ALDH1L1: variants seen among roughly 807,000 people sequenced by gnomAD.
The protein encoded by ALDH1L1 is cytosolic 10-formyltetrahydrofolate dehydrogenase.
A neutral mutation model predicts 101.1 loss-of-function variants in ALDH1L1; 68 were observed. The observed-to-expected ratio is 0.67, with a 90% CI of 0.55 to 0.82. ALDH1L1 has a LOEUF of 0.82. ALDH1L1 is among the 40% of genes least tolerant of loss of function. The probability of loss-of-function intolerance (pLI) is 0.00; values close to 1 mark genes in which losing one functional copy is unlikely to be tolerated. For missense variants in ALDH1L1, 1,087 were observed against 1,172.7 expected, an observed-to-expected ratio of 0.93 and a Z score of 1.07; for synonymous variants, 486 against 470.8, an observed-to-expected ratio of 1.03 and a Z score of -0.42.
chr3:126,191,702 T>C (rs1170418544), intron 1 of ALDH1L1, among the ~76,000 whole-genome samples: 1 of 152,240 alleles, frequency 6.6e-6, no homozygotes, highest in Non-Finnish European at 1.5e-5. Flanking sequence ...GTGGTTTTTA[T>C]TCTTTTGGAA....
At chr3:126,158,172 CTG>C (rs2080955821) in intron 3 of ALDH1L1, among the ~76,000 whole-genome samples, 2 of 152,176 alleles carry the variant, frequency 1.3e-5, no homozygotes, top group South Asian at 2.1e-4. Context: ...TCTCCAATAA[CTG>C]TGGGAATGCA....
At chr3:126,147,338 C>G (rs2080715644) in intron 8 of ALDH1L1, among the ~76,000 whole-genome samples, 1 of 152,202 alleles carries the variant, frequency 6.6e-6, no homozygotes, top group South Asian at 2.1e-4. Flanking sequence ...TAGTGTGACA[C>G]CGATGCCCGG....
At chr3:126,186,705 G>A (rs551159963) in intron 1 of ALDH1L1, among the ~76,000 whole-genome samples, 4 of 152,222 alleles carry the variant, frequency 2.6e-5, no homozygotes, top group Non-Finnish European at 5.9e-5. Flanking sequence ...GAGGTAGAGA[G>A]GCCTGGGGCT....
chr3:126,191,350 G>C (rs1007401998), intron 1 of ALDH1L1, among the ~76,000 whole-genome samples: 7 of 152,234 alleles, frequency 4.6e-5, no homozygotes, highest in Admixed American at 3.9e-4. Flanking sequence ...TTTTAGTGGT[G>C]AGGATGTGCC....
intron 1 of ALDH1L1, among the ~76,000 whole-genome samples, chr3:126,174,251 C>T (rs569142246): frequency 1.3e-5 from 2 of 152,300 alleles, no homozygotes; most frequent in Admixed American, 6.5e-5. Context: ...GCTGGTCTCG[C>T]ACTCCTGACC....
At chr3:126,108,705 G>A (rs1945972995) in intron 20 of ALDH1L1, among the ~76,000 whole-genome samples, 1 of 152,244 alleles carries the variant, frequency 6.6e-6, no homozygotes, top group African/African-American at 2.4e-5. Flanking sequence ...AGCTCTCCAG[G>A]TGGGGACACT....
intron 1 of ALDH1L1, among the ~76,000 whole-genome samples, chr3:126,173,127 A>G (rs538585509): frequency 6.6e-6 from 1 of 152,324 alleles, no homozygotes; most frequent in Non-Finnish European, 1.5e-5. Context: ...AAAAAAGGAA[A>G]ATTAAACAAG....
chr3:126,127,761 G>C (rs574516664), intron 14 of ALDH1L1, among the ~76,000 whole-genome samples: 8 of 152,338 alleles, frequency 5.3e-5, no homozygotes, highest in South Asian at 2.1e-4. Flanking sequence ...CAGGCACAGT[G>C]AGGGTGGACC....
chr3:126,110,920 T>A (rs1244346007), intron 19 of ALDH1L1, among the ~76,000 whole-genome samples: 4 of 152,234 alleles, frequency 2.6e-5, no homozygotes, highest in Admixed American at 2.6e-4. Context: ...GGATTGTGAC[T>A]GTCCTGAGAA....
At chr3:126,130,840 G>C (rs1576436955) in intron 13 of ALDH1L1, among the ~76,000 whole-genome samples, 2 of 152,248 alleles carry the variant, frequency 1.3e-5, no homozygotes, top group East Asian at 3.8e-4. Flanking sequence ...ACTGATGGCG[G>C]GAGCCTGAAG....
At chr3:126,173,184 AT>A (rs149398761) in intron 1 of ALDH1L1, among the ~76,000 whole-genome samples, 3,991 of 152,218 alleles carry the variant, frequency 0.026, 79 homozygotes, top group Non-Finnish European at 0.04. Context: ...ATGTGAAATA[AT>A]TTTTTTTCTT....
At chr3:126,120,176 C>T (rs2080051187) in intron 16 of ALDH1L1, among the ~76,000 whole-genome samples, 1 of 152,230 alleles carries the variant, frequency 6.6e-6, no homozygotes, top group African/African-American at 2.4e-5. Context: ...AACCTGCACA[C>T]GAATGTTTAC....
At chr3:126,178,589 A>G (rs181049107) in intron 1 of ALDH1L1, among the ~76,000 whole-genome samples, 14 of 152,298 alleles carry the variant, frequency 9.2e-5, no homozygotes, top group Admixed American at 9.1e-4. Flanking sequence ...ACTCTAAAAT[A>G]CAGTCCAATT....
chr3:126,112,652 G>C (rs374502359), intron 19 of ALDH1L1, 130 bp downstream of exon 19: 2 of 799,688 alleles, frequency 2.5e-6, no homozygotes, highest in Admixed American at 4.2e-5. Flanking sequence ...CCTGACCCCC[G>C]GGGGGAGTGT....
chr3:126,131,467 C>T lies in ALDH1L1; in HGVS notation c.1540G>A (p.Val514Ile), dbSNP rs368202745. 41 of 1,613,150 alleles carry T rather than the reference C, an allele frequency of 2.5e-5. No individual in the cohort carries two copies. Among genetic ancestry groups the T allele is most frequent in the East Asian group, 4.5e-5 (2 of 44,864 alleles). Residue 514 changes from valine to isoleucine, a missense_variant, in exon 13 of 23, where the codon GTC (valine) becomes ATC (isoleucine). By Grantham distance (29) the Val-to-Ile change is conservative. Around this residue, in one of 2 missense-constraint regions of ALDH1L1, gnomAD observed 442 missense variants for 535.7 expected, o/e 0.83. Transcript: ENST00000393434. ...ATIEALDAGAVYTLALKTHVG... is the reference protein window; with the variant it reads ...ATIEALDAGAIYTLALKTHVG... The stretch of plus-strand genomic sequence containing the variant: ...TGGGTCTTCAGGGCCAGCGTGTAGA[C>T]GGCACCCGCATCCAGGGCCTCAATG...
chr3:126,183,073 G>T (rs1425232065), upstream of ALDH1L1, among the ~76,000 whole-genome samples: 6 of 152,202 alleles, frequency 3.9e-5, no homozygotes, highest in Non-Finnish European at 4.4e-5. Flanking sequence ...GTGCAAGGAA[G>T]ATGGCCTAAA....
chr3:126,151,696 C>G (rs1321817581), intron 7 of ALDH1L1: 1 of 152,268 alleles, frequency 6.6e-6, no homozygotes, highest in Non-Finnish European at 1.5e-5. Flanking sequence ...AGAACTGGAA[C>G]TTGCCTCTCG....
intron 14 of ALDH1L1, among the ~76,000 whole-genome samples, chr3:126,126,879 G>A (rs1050141346): frequency 1.3e-5 from 2 of 152,214 alleles, no homozygotes; most frequent in Non-Finnish European, 2.9e-5. Flanking sequence ...TAGGAGGAAT[G>A]CTGTCCTCAT....
chr3:126,103,887 G>T (rs918254186), intron 22 of ALDH1L1, 41 bp from the exon 23 acceptor site: 8 of 1,603,376 alleles, frequency 5.0e-6, no homozygotes, highest in Middle Eastern at 3.3e-4. Context: ...CCCACCACAG[G>T]CAGGGCACTG....
Sources: allele counts gnomAD v4.1 joint callset (sites outside exome capture counted in the v4.1 genomes callset), GRCh38; gene constraint gnomAD v4.1.1; regional missense constraint gnomAD v4.1.1; transcripts MANE v1.5; gene names NCBI Gene and HGNC (gene_info 2026-07-23, HGNC 2026-07-21).